The following SEMA4D variants were observed in gnomAD, a reference collection of about 807,000 sequenced individuals.
SEMA4D encodes semaphorin 4D.
Under a neutral mutation model 74.8 loss-of-function variants are expected in SEMA4D, and 22 were observed. The observed-to-expected ratio is 0.29, with a 90% CI of 0.21 to 0.42. SEMA4D has a LOEUF of 0.42. Among genes scored for constraint, SEMA4D ranks in the 10% least tolerant of loss-of-function variants. SEMA4D has a pLI of 1.00. For missense variants in SEMA4D, 937 were observed against 1,118.4 expected (o/e 0.84, Z 2.31); for synonymous variants, 445 against 463.7 (o/e 0.96, Z 0.52).
chr9:89,362,861 A>G lies in SEMA4D; in HGVS notation c.2191-433T>C, dbSNP rs528729433. Among the ~76,000 whole-genome samples, 15 of 152,322 alleles carry G rather than the reference A, an allele frequency of 9.8e-5. 1 individual carries two copies. The East Asian group carries it at 2.9e-3, about 29-fold the overall frequency. ...ATGAATCCCTGCCTTTGCCTTCTGT[A>G]TCGGCTATTTAGGAGCCGGGGCTGG... On this transcript the variant is annotated intron_variant, in intron 18 of 18. Coordinates refer to the SEMA4D transcript ENST00000339861.
chr9:89,362,590 T>C (rs1163682850), intron 18 of SEMA4D, among the ~76,000 whole-genome samples: 3 of 151,704 alleles, frequency 2.0e-5, no homozygotes, highest in Non-Finnish European at 4.4e-5. Flanking sequence ...ATGCCAGGAG[T>C]GGTTCTCCCA....
rs567975462 is a variant in SEMA4D, at chr9:89,385,066, C to A, written c.1446+1301G>T. On this transcript the variant is annotated intron_variant, in intron 13 of 15. Transcript: ENST00000422704. ...AAACCCACTGGCTCCTCCTCCTGGG[C>A]GCGAGGCTCCCTGTGTGGCCAGCTG... 1.0e-5 allele frequency: 10 copies of A among 983,572 alleles called. No homozygotes were observed. The South Asian group carries it at 3.8e-4, about 37-fold the overall frequency. The allele number at this position is 983,572 out of a possible 1,614,324, so 60.9% of individuals were successfully genotyped here.
At chr9:89,409,308 G>A (rs1169565111) in intron 2 of SEMA4D, among the ~76,000 whole-genome samples, 1 of 152,146 alleles carries the variant, frequency 6.6e-6, no homozygotes, top group Non-Finnish European at 1.5e-5. Flanking sequence ...AAACTAGGCT[G>A]GCAGGGATAC....
intron 16 of SEMA4D, chr9:89,368,848 G>A (rs1169607677): frequency 6.6e-6 from 1 of 152,184 alleles, no homozygotes; most frequent in East Asian, 1.9e-4. Context: ...CTCTGCAAAG[G>A]GACCTGAGAA....
chr9:89,470,349 A>T (rs1445470718), intron 1 of SEMA4D, among the ~76,000 whole-genome samples: 1 of 152,262 alleles, frequency 6.6e-6, no homozygotes, highest in Non-Finnish European at 1.5e-5. Flanking sequence ...TTCACCAAAG[A>T]GGATACACAG....
chr9:89,385,259 G>A (rs1000244487), intron 13 of SEMA4D: 88 of 984,974 alleles, frequency 8.9e-5, no homozygotes, highest in Non-Finnish European at 1.0e-4. Flanking sequence ...CCTTGGAACA[G>A]AGTGTCATTC....
intron 2 of SEMA4D, among the ~76,000 whole-genome samples, chr9:89,452,006 A>G (rs55885028): frequency 1.6e-4 from 25 of 152,140 alleles, no homozygotes; most frequent in African/African-American, 4.8e-4. Flanking sequence ...ATGAGGCATA[A>G]GGAGGCAGTA....
intron 13 of SEMA4D, chr9:89,385,981 T>C (rs1342037527): frequency 2.0e-6 from 2 of 985,052 alleles, no homozygotes; most frequent in African/African-American, 3.5e-5. Flanking sequence ...CTTGTGGATT[T>C]TCCACGGTGA....
chr9:89,461,863 C>T (rs1017538332), intron 1 of SEMA4D, among the ~76,000 whole-genome samples: 4 of 151,814 alleles, frequency 2.6e-5, no homozygotes, highest in Admixed American at 2.0e-4. Flanking sequence ...CCACTACGCC[C>T]GGCTAATTTT....
chr9:89,461,714 TTTTTTG>T (rs1263094831), intron 1 of SEMA4D, among the ~76,000 whole-genome samples: 11 of 138,030 alleles, frequency 8.0e-5, no homozygotes, highest in African/African-American at 1.4e-4. Context: ...TTTTTTTTTT[TTTTTTG>T]GAGACAGAGT....
At chr9:89,384,906 G>A in intron 13 of SEMA4D, 4 of 985,432 alleles carry the variant, frequency 4.1e-6, no homozygotes, top group Non-Finnish European at 4.8e-6. Flanking sequence ...GAGGCCCAAG[G>A]AGAAGGCACA....
intron 13 of SEMA4D, among the ~76,000 whole-genome samples, chr9:89,382,408 C>T (rs975399357): frequency 1.3e-5 from 2 of 152,190 alleles, no homozygotes; most frequent in Non-Finnish European, 2.9e-5. Context: ...AGGATACGCT[C>T]GGAGTCAACT....
intron 2 of SEMA4D, among the ~76,000 whole-genome samples, chr9:89,425,506 G>A (rs909304963): frequency 1.2e-4 from 18 of 152,242 alleles, no homozygotes; most frequent in African/African-American, 4.3e-4. Context: ...TCTGGGAAGG[G>A]GCTGCTCACA....
chr9:89,478,692 T>C (rs991439072), intron 1 of SEMA4D, among the ~76,000 whole-genome samples: 1 of 152,176 alleles, frequency 6.6e-6, no homozygotes, highest in Admixed American at 6.5e-5. Context: ...ACTGCACCCT[T>C]GTTAGGGGTC....
chr9:89,431,011 T>C (rs1849163958), intron 2 of SEMA4D, among the ~76,000 whole-genome samples: 1 of 151,998 alleles, frequency 6.6e-6, no homozygotes. Flanking sequence ...TAGGCACCCA[T>C]CAGAAACAGG....
chr9:89,428,225 A>C (rs959304834), intron 2 of SEMA4D, among the ~76,000 whole-genome samples: 1 of 152,170 alleles, frequency 6.6e-6, no homozygotes, highest in African/African-American at 2.4e-5. Context: ...CTCAGTGGTC[A>C]CAAGTTGAGG....
At chr9:89,477,284 A>G (rs1019867970) in intron 1 of SEMA4D, among the ~76,000 whole-genome samples, 3 of 148,746 alleles carry the variant, frequency 2.0e-5, no homozygotes, top group Non-Finnish European at 4.5e-5. Context: ...ATGCTCACAC[A>G]CATTCACATA....
intron 2 of SEMA4D, among the ~76,000 whole-genome samples, chr9:89,435,637 T>A (rs1850223587): frequency 6.6e-6 from 1 of 152,022 alleles, no homozygotes; most frequent in African/African-American, 2.4e-5. Context: ...GCCACCCAGG[T>A]CTCTGTGTCA....
intron 1 of SEMA4D, among the ~76,000 whole-genome samples, chr9:89,467,564 C>T (rs1479569846): frequency 6.8e-6 from 1 of 147,632 alleles, no homozygotes; most frequent in African/African-American, 2.5e-5. Flanking sequence ...CAGAATCTCA[C>T]TCTGTTGCCC....
Sources: allele counts gnomAD v4.1 joint callset (sites outside exome capture counted in the v4.1 genomes callset), GRCh38; gene constraint gnomAD v4.1.1; transcripts MANE v1.5; gene names NCBI Gene and HGNC (gene_info 2026-07-23, HGNC 2026-07-21).